KCTD5: variants seen among roughly 807,000 people sequenced by gnomAD.
The protein encoded by KCTD5 is BTB/POZ domain-containing protein KCTD5.
KCTD5 carries 12 observed loss-of-function variants against 27.9 expected under a neutral mutation model. The observed-to-expected ratio is 0.43, with a 90% CI of 0.28 to 0.70. The LOEUF is 0.70. Among genes scored for constraint, KCTD5 ranks in the 30% least tolerant of loss-of-function variants. The probability of loss-of-function intolerance (pLI) is 0.19; values close to 1 mark genes in which losing one functional copy is unlikely to be tolerated. For missense variants in KCTD5, 226 were observed against 274.8 expected, an observed-to-expected ratio of 0.82 and a Z score of 1.26; for synonymous variants, 147 against 121.4, an observed-to-expected ratio of 1.21 and a Z score of -1.39.
chr16:2,683,959 C>A (rs1381052670), intron 1 of KCTD5: 3 of 146,686 alleles, frequency 2.0e-5, no homozygotes, highest in African/African-American at 7.8e-5. Flanking sequence ...TTTGAGATGC[C>A]AACCCTCCTG....
At chr16:2,699,122 T>C (rs1277393585) in intron 3 of KCTD5, 1 of 456,120 alleles carries the variant, frequency 2.2e-6, no homozygotes, top group Non-Finnish European at 4.4e-6. Flanking sequence ...ACCCAGGACC[T>C]CTGAACCCCT....
chr16:2,696,893 G>C (rs1186728257), intron 2 of KCTD5, among the ~76,000 whole-genome samples: 1 of 152,254 alleles, frequency 6.6e-6, no homozygotes, highest in Non-Finnish European at 1.5e-5. Context: ...ACTCTCTCTG[G>C]TCGCTTGGGC....
At chr16:2,703,219 C>A (rs1178291025) in intron 5 of KCTD5, among the ~76,000 whole-genome samples, 1 of 152,172 alleles carries the variant, frequency 6.6e-6, no homozygotes, top group Non-Finnish European at 1.5e-5. Flanking sequence ...AAGGTTGAGG[C>A]TCCAAGATGG....
At chr16:2,690,552 C>G (rs1356559128) in intron 1 of KCTD5, among the ~76,000 whole-genome samples, 7 of 152,238 alleles carry the variant, frequency 4.6e-5, no homozygotes, top group Non-Finnish European at 7.3e-5. Flanking sequence ...ACGAACCTTC[C>G]TGAGATCAAG....
rs2067603205 is a variant in KCTD5, at chr16:2,699,794, C to T, written c.454-27C>T. 3.1e-6 allele frequency: 5 copies of T among 1,608,394 alleles called. No individual in the cohort carries two copies. In the East Asian group the frequency reaches 8.9e-5, roughly 29 times the overall value. On this transcript the variant is annotated intron_variant, in intron 3 of 5. Transcript: ENST00000301738. ...CAGCAGTGGGACATGGGTGGCCCGC[C>T]CTTACCTGTGCCCATTGTCCTTGCA...
chr16:2,688,858 T>C (rs1346072022), intron 1 of KCTD5, among the ~76,000 whole-genome samples: 1 of 14,392 alleles, frequency 6.9e-5, no homozygotes. Context: ...CTGACACCCC[T>C]GCTCCTGAGA....
At chr16:2,701,111 G>T (rs535705605) in intron 4 of KCTD5, among the ~76,000 whole-genome samples, 1 of 152,234 alleles carries the variant, frequency 6.6e-6, no homozygotes, top group Non-Finnish European at 1.5e-5. Flanking sequence ...TTCTGCCACC[G>T]TCTTGTGACT....
chr16:2,695,439 T>A (rs2067583082), intron 1 of KCTD5, among the ~76,000 whole-genome samples: 1 of 126,960 alleles, frequency 7.9e-6, no homozygotes, highest in Non-Finnish European at 1.8e-5. Context: ...TCTCCACCCC[T>A]GGCAGGAAGC....
chr16:2,699,700 T>G (rs2067602835), intron 3 of KCTD5, 121 bp from the exon 4 acceptor site: 1 of 804,600 alleles, frequency 1.2e-6, no homozygotes, highest in Non-Finnish European at 2.1e-6. Context: ...GCTTTGGGCC[T>G]CGTGCCCTGT....
intron 1 of KCTD5, chr16:2,684,764 C>CAAAAAAA (rs1408507684): frequency 1.6e-5 from 2 of 127,276 alleles, no homozygotes; most frequent in Admixed American, 7.9e-5. Context: ...GACTCCATCA[C>CAAAAAAA]AAAAAAAAAA....
At chr16:2,703,236 G>T (rs1370258329) in intron 5 of KCTD5, among the ~76,000 whole-genome samples, 1 of 152,146 alleles carries the variant, frequency 6.6e-6, no homozygotes, top group African/African-American at 2.4e-5. Flanking sequence ...ATGGACAAAT[G>T]CGTCCATCCA....
At chr16:2,687,196 C>T (rs147261332) in intron 1 of KCTD5, among the ~76,000 whole-genome samples, 123 of 152,312 alleles carry the variant, frequency 8.1e-4, no homozygotes, top group African/African-American at 2.8e-3. Context: ...GAGTCAGTTC[C>T]ATAAATTCCT....
At chr16:2,686,901 T>C (rs1009054187) in intron 1 of KCTD5, among the ~76,000 whole-genome samples, 5 of 152,232 alleles carry the variant, frequency 3.3e-5, no homozygotes, top group Admixed American at 6.5e-5. Flanking sequence ...GATGATGTTC[T>C]GTGTAGCCAG....
chr16:2,697,005 A>G (rs2067589224), intron 2 of KCTD5, among the ~76,000 whole-genome samples: 1 of 152,246 alleles, frequency 6.6e-6, no homozygotes, highest in Non-Finnish European at 1.5e-5. Flanking sequence ...ACACAGACCA[A>G]GGCCCTGCCG....
At chr16:2,697,839 G>T in intron 2 of KCTD5, 67 bp from the exon 3 acceptor site, 1 of 1,110,194 alleles carries the variant, frequency 9.0e-7, no homozygotes, top group South Asian at 1.3e-5. Flanking sequence ...GGCAGGGGTG[G>T]GTGTAAAGCG....
intron 1 of KCTD5, among the ~76,000 whole-genome samples, chr16:2,688,753 C>T (rs2067553916): frequency 1.2e-5 from 1 of 83,292 alleles, no homozygotes; most frequent in African/African-American, 5.2e-5. Flanking sequence ...CAGCACAGGC[C>T]CCCGCTGAGT....
chr16:2,689,752 A>G (rs1596220804), intron 1 of KCTD5, among the ~76,000 whole-genome samples: 5 of 151,590 alleles, frequency 3.3e-5, no homozygotes, highest in African/African-American at 9.7e-5. Context: ...ATTTTGGCTC[A>G]CTGCAACGGG....
At chr16:2,684,744 G>A (rs1283760258) in intron 1 of KCTD5, 2 of 147,746 alleles carry the variant, frequency 1.4e-5, no homozygotes, top group African/African-American at 2.6e-5. Flanking sequence ...CAGCCTGGGT[G>A]AAAGAGCAAG....
chr16:2,705,639 G>A lies in KCTD5; in HGVS notation c.676-1659G>A, dbSNP rs115559777. ...TGCGCTTAAGCCTCCCAGGCCAGCC[G>A]TGTCCTGCAAGCCCCTCAGCCACCC... On this transcript the variant is annotated intron_variant, in intron 5 of 5. Transcript: ENST00000301738. Among the ~76,000 whole-genome samples the A allele has an allele frequency of 5.0e-3, 759 of 152,304 alleles. 1 individual carries two copies. The highest frequency in any genetic ancestry group is 0.016 in the African/African-American group (674 of 41,572).
Sources: gnomAD v4.1 joint callset for allele counts (sites outside exome capture counted in the v4.1 genomes callset) on GRCh38, gnomAD v4.1.1 for gene constraint, MANE v1.5 for transcripts, NCBI Gene and HGNC (gene_info 2026-07-23, HGNC 2026-07-21) for gene names.